Variants in CELF1 observed in about 807,000 individuals in gnomAD.
The protein encoded by CELF1 is 50 kDa nuclear polyadenylated RNA-binding protein.
In CELF1, 10 loss-of-function variants were observed where a neutral mutation model predicts 61.8. The observed-to-expected ratio is 0.16, with a 90% CI of 0.10 to 0.27. The LOEUF (loss-of-function observed/expected upper bound fraction) is 0.27. CELF1 is among the 10% of genes least tolerant of loss of function. The pLI, the probability that CELF1 is intolerant of heterozygous loss-of-function variation, is 1.00. For missense variants in CELF1, 380 were observed against 639.1 expected (o/e 0.59, Z 4.37); for synonymous variants, 236 against 225.1 (o/e 1.05, Z -0.43).
At chr11:47,474,156 C>CAA (rs985179567) in intron 13 of CELF1, among the ~76,000 whole-genome samples, 2 of 152,202 alleles carry the variant, frequency 1.3e-5, no homozygotes, top group Non-Finnish European at 2.9e-5. Flanking sequence ...CTTGGCCTCT[C>CAA]AAAGTGCTGG....
intron 1 of CELF1, among the ~76,000 whole-genome samples, chr11:47,514,406 T>C (rs779911450): frequency 2.4e-4 from 37 of 152,172 alleles, no homozygotes; most frequent in Middle Eastern, 3.4e-3. Context: ...AACCAATAAA[T>C]AGAACTACCT....
Position 47,526,774 on chromosome 11 carries a change from CAAA to C in CELF1, c.-153-25845_-153-25843del, listed in dbSNP as rs2096258348. On this transcript the variant is annotated intron_variant, in intron 1 of 14. Transcript: ENST00000687097. ...AAACACTGCTAAGTTAACCAGTCAT[CAAA>C]AGGAGTTCCAGGCCGGGCAGTGGTG... Among the ~76,000 whole-genome samples, 3 of 152,294 alleles carry C rather than the reference CAAA, an allele frequency of 2.0e-5. No individual in the cohort carries two copies. In the South Asian group the frequency reaches 6.2e-4, roughly 32 times the overall value.
At chr11:47,549,907 C>T (rs1286211985) in intron 1 of CELF1, among the ~76,000 whole-genome samples, 1 of 151,746 alleles carries the variant, frequency 6.6e-6, no homozygotes, top group Non-Finnish European at 1.5e-5. Flanking sequence ...ACCTCCACCT[C>T]CTGGGCTCAA....
intron 3 of CELF1, among the ~76,000 whole-genome samples, chr11:47,491,440 T>C (rs537860624): frequency 1.3e-5 from 2 of 152,372 alleles, no homozygotes; most frequent in South Asian, 4.1e-4. Flanking sequence ...ATTACAGGCC[T>C]GAGCCACCGC....
chr11:47,535,952 C>T (rs1165281577), intron 1 of CELF1, among the ~76,000 whole-genome samples: 1 of 151,920 alleles, frequency 6.6e-6, no homozygotes, highest in Admixed American at 6.6e-5. Context: ...TTAGTACAGA[C>T]AGGGTTTCAC....
intron 1 of CELF1, among the ~76,000 whole-genome samples, chr11:47,503,874 G>C (rs971239326): frequency 1.3e-5 from 2 of 152,110 alleles, no homozygotes; most frequent in Non-Finnish European, 2.9e-5. Flanking sequence ...AAAATGTGAC[G>C]GTTAAGAATA....
chr11:47,554,138 C>T (rs2097195210), upstream of CELF1, among the ~76,000 whole-genome samples: 2 of 152,080 alleles, frequency 1.3e-5, no homozygotes, highest in African/African-American at 4.8e-5. Flanking sequence ...CCACAAACAA[C>T]AAGTGGGCTT....
chr11:47,539,530 C>T (rs955457862), intron 1 of CELF1, among the ~76,000 whole-genome samples: 3 of 152,202 alleles, frequency 2.0e-5, no homozygotes, highest in African/African-American at 7.2e-5. Context: ...TGGTGGCACA[C>T]ACCTGTAATC....
At position 47,541,767 on chromosome 11, in the gene CELF1, AACGAAAGAAAGAACGAAAGAAAGAAC is replaced by A. The variant is rs1285660879; in HGVS notation, c.-154+11199_-154+11224del. Among the ~76,000 whole-genome samples the A allele has an allele frequency of 7.2e-3, 83 of 11,568 alleles. 4 individuals carry two copies. Among genetic ancestry groups the A allele is most frequent in the African/African-American group, 0.015 (75 of 4,934 alleles). The allele number at this position is 11,568 out of a possible 152,430, so 7.6% of individuals were successfully genotyped here. A position where few individuals can be genotyped will look rare whatever the true frequency, so the allele number is the denominator to read the frequency against. On this transcript the variant is annotated intron_variant, in intron 1 of 14. Coordinates refer to ENST00000687097, the MANE Select transcript of CELF1 (RefSeq NM_001376376.1). Reference sequence around the variant, plus strand: ...GAAAGAAAGAAAGAACGAAAGAAAGAACGAAAGAAAGAACGAAAGAAAGAACGAAAGAAAGAAAGAAAGAAAGAAAG... The same window carrying A: ...GAAAGAAAGAAAGAACGAAAGAAAGAGAAAGAAAGAAAGAAAGAAAGAAAG...
At position 47,473,088 on chromosome 11, in the gene CELF1, C is replaced by A; in HGVS notation, c.1417G>T (p.Gly473Cys). ...TGACACCAGAGAGAAGCCAACATAC[C>A]AAAACACTTGCTCAGGTTTGTCTGC... Reference protein sequence around the residue: ...DKQTNLSKCFGFVSYDNPVSA... With the variant: ...DKQTNLSKCFCFVSYDNPVSA... The change falls in exon 14 of 15, where the codon GGT (glycine) becomes TGT (cysteine). Residue 473 changes from glycine (G) to cysteine (C), a missense_variant and splice_region_variant. Physicochemically the swap from Gly to Cys is radical, Grantham distance 159. Coordinates refer to ENST00000687097, the MANE Select transcript of CELF1 (RefSeq NM_001376376.1). The A allele has an allele frequency of 6.2e-7, 1 of 1,613,644 alleles. No homozygotes were observed. Among genetic ancestry groups the A allele is most frequent in the Non-Finnish European group, 8.5e-7 (1 of 1,179,796 alleles).
At chr11:47,479,015 A>G in intron 9 of CELF1, 63 bp from the exon 10 acceptor site, 2 of 1,360,736 alleles carry the variant, frequency 1.5e-6, no homozygotes, top group South Asian at 2.5e-5. Flanking sequence ...CATCTGGGAT[A>G]ACTCTACAGC....
At chr11:47,523,007 C>G (rs2096032511) in intron 1 of CELF1, among the ~76,000 whole-genome samples, 2 of 151,966 alleles carry the variant, frequency 1.3e-5, no homozygotes, top group Admixed American at 1.3e-4. Flanking sequence ...CTGTTAGAGT[C>G]CAGTATATCT....
intron 1 of CELF1, among the ~76,000 whole-genome samples, chr11:47,542,660 G>A (rs1488372333): frequency 1.3e-5 from 2 of 152,006 alleles, no homozygotes; most frequent in Non-Finnish European, 2.9e-5. Context: ...ACCACATCTG[G>A]CTAAGTCTTG....
chr11:47,495,251 T>G (rs2092845376), intron 3 of CELF1, among the ~76,000 whole-genome samples: 1 of 152,140 alleles, frequency 6.6e-6, no homozygotes, highest in East Asian at 1.9e-4. Context: ...ACAAAGACCT[T>G]GAAAACATTA....
intron 1 of CELF1, among the ~76,000 whole-genome samples, chr11:47,501,752 G>A (rs1330040760): frequency 1.3e-5 from 2 of 152,088 alleles, no homozygotes; most frequent in Non-Finnish European, 2.9e-5. Flanking sequence ...GAACCCAGGA[G>A]GCAGAGGCTG....
chr11:47,537,274 G>T (rs2096653172), intron 1 of CELF1, among the ~76,000 whole-genome samples: 2 of 143,776 alleles, frequency 1.4e-5, no homozygotes, highest in African/African-American at 5.2e-5. Context: ...TTGGGACAGA[G>T]TCTCACTCTG....
intron 1 of CELF1, among the ~76,000 whole-genome samples, chr11:47,542,460 C>T (rs1190439071): frequency 2.0e-5 from 3 of 150,648 alleles, no homozygotes; most frequent in African/African-American, 7.3e-5. Context: ...TCAATGCAAT[C>T]ACTAAAAAAA....
intron 1 of CELF1, among the ~76,000 whole-genome samples, chr11:47,511,503 A>C (rs185180315): frequency 6.6e-6 from 1 of 152,368 alleles, no homozygotes; most frequent in East Asian, 1.9e-4. Context: ...AGTGCTAATA[A>C]ATGTGCATCT....
rs374096324 is a variant in CELF1, at chr11:47,482,879, G to A, written c.607-23C>T. The A allele has an allele frequency of 3.8e-6, 6 of 1,595,738 alleles. No individual in the cohort carries two copies. In the Admixed American group the frequency reaches 7.1e-5, roughly 19 times the overall value. On this transcript the variant is annotated intron_variant, in intron 8 of 14. Coordinates refer to ENST00000687097, the MANE Select transcript of CELF1 (RefSeq NM_001376376.1). Reference sequence around the variant, plus strand: ...ACCCTGTGAAAAGACCATAACGAAAGGGTCAAATTCCTCCATCTGAAAAGA... The same window carrying A: ...ACCCTGTGAAAAGACCATAACGAAAAGGTCAAATTCCTCCATCTGAAAAGA...
Sources: allele counts gnomAD v4.1 joint callset (sites outside exome capture counted in the v4.1 genomes callset), GRCh38; gene constraint gnomAD v4.1.1; transcripts MANE v1.5; gene names NCBI Gene and HGNC (gene_info 2026-07-23, HGNC 2026-07-21).